Variants in RAB3B observed in about 807,000 individuals in gnomAD.
RAB3B encodes RAB3B, member RAS oncogene family, also known as ras-related protein Rab-3B.
Under a neutral mutation model 20.5 loss-of-function variants are expected in RAB3B, and 11 were observed. The ratio of observed to expected loss-of-function variants is 0.54; its 90% CI spans 0.34 to 0.89. RAB3B has a LOEUF of 0.89. RAB3B is among the 40% of genes least tolerant of loss of function. The pLI is 0.02. For missense variants in RAB3B, 225 were observed against 280.9 expected (o/e 0.80, Z 1.42); for synonymous variants, 99 against 106.3 (o/e 0.93, Z 0.42).
chr1:51,969,596 C>T (rs890519470), intron 2 of RAB3B, among the ~76,000 whole-genome samples: 4 of 144,420 alleles, frequency 2.8e-5, no homozygotes, highest in Non-Finnish European at 6.1e-5. Context: ...TGGCTTCATC[C>T]TCGCTTTAAT....
rs774119757 is a variant in RAB3B, at chr1:51,917,867, C to G, written c.*2060G>C. On this transcript the variant is annotated 3_prime_UTR_variant, in exon 5 of 5. Transcript: ENST00000371655. ...CAGCTGGATGGTCCTTTTATTTAGTCATTGGACTGGTTGCTAGTTAATTAC... is the reference window on the plus strand; with the variant it reads ...CAGCTGGATGGTCCTTTTATTTAGTGATTGGACTGGTTGCTAGTTAATTAC... 6.6e-6 allele frequency: 1 copy of G among 152,092 alleles called. No homozygotes were observed. Among genetic ancestry groups the G allele is most frequent in the Non-Finnish European group, 1.5e-5 (1 of 68,030 alleles). 9.4% of individuals were successfully genotyped at this position (152,092 alleles called of 1,614,324 possible).
At chr1:51,929,213 C>T (rs185585758) in intron 4 of RAB3B, among the ~76,000 whole-genome samples, 101 of 152,292 alleles carry the variant, frequency 6.6e-4, no homozygotes, top group Non-Finnish European at 1.6e-4. Context: ...ACTCCCCACG[C>T]AGAGAGTCTG....
chr1:51,974,305 A>C (rs915867673), intron 2 of RAB3B, among the ~76,000 whole-genome samples: 23 of 152,214 alleles, frequency 1.5e-4, no homozygotes, highest in Admixed American at 1.5e-3. Context: ...AAGCTAGTTA[A>C]ACTAAGTGGT....
At chr1:51,954,433 T>G (rs1684679679) in intron 2 of RAB3B, among the ~76,000 whole-genome samples, 1 of 152,228 alleles carries the variant, frequency 6.6e-6, no homozygotes. Flanking sequence ...TTGGCTGTGA[T>G]TTCAAAATAT....
At chr1:51,959,445 G>A (rs559930063) in intron 2 of RAB3B, among the ~76,000 whole-genome samples, 3 of 152,156 alleles carry the variant, frequency 2.0e-5, no homozygotes, top group Admixed American at 6.5e-5. Context: ...CCAGGAGGTC[G>A]AGGCTGCAGT....
At chr1:51,939,173 A>G (rs968570665) in intron 2 of RAB3B, among the ~76,000 whole-genome samples, 16 of 152,206 alleles carry the variant, frequency 1.1e-4, no homozygotes, top group African/African-American at 3.6e-4. Flanking sequence ...AATTTTCCAC[A>G]CAGTCCTCGT....
intron 2 of RAB3B, among the ~76,000 whole-genome samples, chr1:51,951,129 GA>G (rs1370593445): frequency 7.2e-5 from 5 of 69,214 alleles, no homozygotes; most frequent in African/African-American, 2.0e-4. Context: ...CTGTGATGCA[GA>G]CTTTTTTTTT....
intron 1 of RAB3B, among the ~76,000 whole-genome samples, chr1:51,979,918 C>T (rs1685062056): frequency 6.6e-6 from 1 of 151,730 alleles, no homozygotes; most frequent in Non-Finnish European, 1.5e-5. Flanking sequence ...TGGCGGGTGC[C>T]TGTAGTCCCA....
At chr1:51,955,598 C>A (rs1252264688) in intron 2 of RAB3B, among the ~76,000 whole-genome samples, 1 of 152,106 alleles carries the variant, frequency 6.6e-6, no homozygotes, top group East Asian at 1.9e-4. Flanking sequence ...CAGGGTTTTA[C>A]CATGTTGGCC....
rs1390456690 is a variant in RAB3B at position 51,908,392 on chromosome 1, C to G, written c.*11535G>C. ...ATCTCCTAGGTTGGCATGAGACCAG[C>G]CTGGTCCCCAGTTGAATAAATTAGA... On this transcript the variant is annotated 3_prime_UTR_variant, in exon 5 of 5. Transcript: ENST00000371655. 6.6e-6 allele frequency: 1 copy of G among 152,058 alleles called. No individual in the cohort carries two copies. Among genetic ancestry groups the G allele is most frequent in the Non-Finnish European group, 1.5e-5 (1 of 68,012 alleles). The allele number at this position is 152,058 out of a possible 1,614,324, so 9.4% of individuals were successfully genotyped here.
intron 2 of RAB3B, among the ~76,000 whole-genome samples, chr1:51,967,809 C>T (rs1463307256): frequency 6.6e-6 from 1 of 151,964 alleles, no homozygotes; most frequent in East Asian, 1.9e-4. Context: ...AGCCACCACG[C>T]CCAACCAGGT....
intron 2 of RAB3B, among the ~76,000 whole-genome samples, chr1:51,954,893 G>A (rs1461670111): frequency 6.6e-6 from 1 of 152,264 alleles, no homozygotes; most frequent in Non-Finnish European, 1.5e-5. Context: ...AGTAGGAAGT[G>A]AGGCTGTAGC....
rs931122112 is a variant in RAB3B at position 51,915,303 on chromosome 1, T to C, written c.*4624A>G. The C allele has an allele frequency of 1.3e-5, 2 of 152,170 alleles. No homozygotes were observed. The highest frequency in any genetic ancestry group is 1.5e-5 in the Non-Finnish European group (1 of 68,012). The allele number at this position is 152,170 out of a possible 1,614,324, so 9.4% of individuals were successfully genotyped here. A position where few individuals can be genotyped will look rare whatever the true frequency, so the allele number is the denominator to read the frequency against. ...CTTAATAATGCTAGGCCCTAGTCGA[T>C]AGTCAAATAGCTAAGTGTCTTCTTA... is the stretch of plus-strand genomic sequence containing the variant. On this transcript the variant is annotated 3_prime_UTR_variant, in exon 5 of 5. Coordinates refer to ENST00000371655, the MANE Select transcript of RAB3B (RefSeq NM_002867.4).
At chr1:51,935,754 G>A (rs1030088909) in intron 3 of RAB3B, among the ~76,000 whole-genome samples, 3 of 151,980 alleles carry the variant, frequency 2.0e-5, no homozygotes, top group African/African-American at 7.3e-5. Context: ...GGAGAGGGGA[G>A]GAAGGGAGGA....
At chr1:51,941,182 T>C (rs1684488209) in intron 2 of RAB3B, among the ~76,000 whole-genome samples, 1 of 152,110 alleles carries the variant, frequency 6.6e-6, no homozygotes, top group African/African-American at 2.4e-5. Context: ...AGTGGTATTT[T>C]GGCAGAAGGG....
At chr1:51,959,420 GA>G (rs1385726582) in intron 2 of RAB3B, among the ~76,000 whole-genome samples, 1 of 152,192 alleles carries the variant, frequency 6.6e-6, no homozygotes, top group Non-Finnish European at 1.5e-5. Flanking sequence ...GCTGTGGTGG[GA>G]GGACGGCTTG....
chr1:51,955,174 T>C (rs906059607), intron 2 of RAB3B, among the ~76,000 whole-genome samples: 6 of 152,366 alleles, frequency 3.9e-5, no homozygotes, highest in African/African-American at 1.4e-4. Context: ...TCTCCCGTTT[T>C]GCAGGGCAGA....
At chr1:51,947,534 T>C (rs1684581956) in intron 2 of RAB3B, among the ~76,000 whole-genome samples, 1 of 152,156 alleles carries the variant, frequency 6.6e-6, no homozygotes, top group African/African-American at 2.4e-5. Context: ...GGAAGTCCTC[T>C]AACCATGTCT....
At chr1:51,975,854 T>C (rs780765830) in intron 2 of RAB3B, among the ~76,000 whole-genome samples, 2 of 152,108 alleles carry the variant, frequency 1.3e-5, no homozygotes, top group Non-Finnish European at 2.9e-5. Context: ...TAACTGGGCA[T>C]GGTGGCGGGC....
Sources: gnomAD v4.1 joint callset for allele counts (sites outside exome capture counted in the v4.1 genomes callset) on GRCh38, gnomAD v4.1.1 for gene constraint, MANE v1.5 for transcripts, NCBI Gene and HGNC (gene_info 2026-07-23, HGNC 2026-07-21) for gene names.